The following SNTB1 variants were observed in gnomAD, a reference collection of about 807,000 sequenced individuals.
SNTB1 encodes beta-1-syntrophin.
A neutral mutation model predicts 48.9 loss-of-function variants in SNTB1; 36 were observed. The observed-to-expected ratio is 0.74, with a 90% CI of 0.56 to 0.97. The LOEUF is 0.97. Ranked by LOEUF, SNTB1 falls within the 50% of genes least tolerant of loss-of-function variation. SNTB1 has a pLI of 0.00. For missense variants in SNTB1, 786 were observed against 703.4 expected (o/e 1.12, Z -1.33); for synonymous variants, 299 against 294.6 (o/e 1.01, Z -0.15).
intron 2 of SNTB1, among the ~76,000 whole-genome samples, chr8:120,668,517 A>G (rs1587075498): frequency 1.3e-5 from 2 of 152,296 alleles, no homozygotes; most frequent in East Asian, 3.9e-4. Context: ...TAAGTGACAG[A>G]TAATTAGATT....
chr8:120,574,807 G>A (rs143389023), intron 4 of SNTB1, among the ~76,000 whole-genome samples: 1 of 152,292 alleles, frequency 6.6e-6, no homozygotes, highest in East Asian at 1.9e-4. Flanking sequence ...AAGGGAATGA[G>A]ATGGAGACCC....
chr8:120,762,678 T>C (rs1819442931), intron 1 of SNTB1, among the ~76,000 whole-genome samples: 2 of 152,176 alleles, frequency 1.3e-5, no homozygotes, highest in African/African-American at 4.8e-5. Context: ...GTAAATTTTA[T>C]TAATATCTTG....
At chr8:120,549,891 T>C (rs1271782397) in intron 4 of SNTB1, among the ~76,000 whole-genome samples, 2 of 152,234 alleles carry the variant, frequency 1.3e-5, no homozygotes, top group Non-Finnish European at 2.9e-5. Context: ...TTTTCAATCT[T>C]ATCTTTTAAT....
intron 1 of SNTB1, among the ~76,000 whole-genome samples, chr8:120,801,782 G>A (rs1820230364): frequency 6.6e-6 from 1 of 151,972 alleles, no homozygotes; most frequent in African/African-American, 2.4e-5. Context: ...TTGTCCGGGG[G>A]CCTCCCCACC....
chr8:120,773,833 AC>A (rs1819682243), intron 1 of SNTB1, among the ~76,000 whole-genome samples: 1 of 152,252 alleles, frequency 6.6e-6, no homozygotes, highest in Non-Finnish European at 1.5e-5. Flanking sequence ...GTTCAAGGTC[AC>A]TCACATAAGT....
At chr8:120,759,318 G>A (rs902344805) in intron 1 of SNTB1, among the ~76,000 whole-genome samples, 7 of 152,272 alleles carry the variant, frequency 4.6e-5, no homozygotes, top group African/African-American at 1.4e-4. Flanking sequence ...CAGAGTTCAC[G>A]ATCAACCTAG....
In SNTB1 at chr8:120,653,942, A is replaced by T. The variant is rs1817451089; in HGVS notation, c.789-21291T>A. 2.1e-5 allele frequency among the ~76,000 whole-genome samples: 3 copies of T among 143,488 alleles called. No individual in the cohort carries two copies. The Admixed American group carries it at 2.2e-4, about 11-fold the overall frequency. The allele number at this position is 143,488 out of a possible 152,430, so 94.1% of individuals were successfully genotyped here. A position where few individuals can be genotyped will look rare whatever the true frequency, so the allele number is the denominator to read the frequency against. On this transcript the variant is annotated intron_variant, in intron 2 of 6. Coordinates refer to ENST00000517992, the MANE Select transcript of SNTB1 (RefSeq NM_021021.4). ...TAGTCCCAGCTACTCGGGGGGTCTG[A>T]GGCAGGAGAATGGCGTGAACCCGGA...
chr8:120,597,492 C>A (rs1328460688), intron 3 of SNTB1, among the ~76,000 whole-genome samples: 1 of 152,208 alleles, frequency 6.6e-6, no homozygotes, highest in Non-Finnish European at 1.5e-5. Flanking sequence ...AGGGTTCCTG[C>A]TGAATTGGCA....
At chr8:120,775,886 TTTA>T (rs1446085340) in intron 1 of SNTB1, among the ~76,000 whole-genome samples, 1 of 151,994 alleles carries the variant, frequency 6.6e-6, no homozygotes, top group Admixed American at 6.6e-5. Context: ...CGGTTCTTTT[TTTA>T]TTATTATTAT....
At chr8:120,599,650 A>C (rs936915347) in intron 3 of SNTB1, among the ~76,000 whole-genome samples, 2 of 152,220 alleles carry the variant, frequency 1.3e-5, no homozygotes, top group Non-Finnish European at 2.9e-5. Flanking sequence ...AGCCAATTGA[A>C]CCCTGAAATC....
At chr8:120,594,053 C>CTTTA (rs147532780) in intron 3 of SNTB1, among the ~76,000 whole-genome samples, 27,643 of 150,762 alleles carry the variant, frequency 0.18, 2,623 homozygotes, top group Middle Eastern at 0.3. Context: ...CAGTACATGT[C>CTTTA]TTTATTTATT....
rs888259815 is a variant in SNTB1, at chr8:120,600,083, G to A, written c.997-24858C>T. On this transcript the variant is annotated intron_variant, in intron 3 of 6. Transcript: ENST00000517992. The stretch of plus-strand genomic sequence containing the variant: ...TCACCTCTTCTTTATCTGTTTACCT[G>A]TCTGTGTGGCAGTTTAAGGAGGGCC... 1.3e-5 allele frequency among the ~76,000 whole-genome samples: 2 copies of A among 152,194 alleles called. 1 individual carries two copies.
chr8:120,754,811 G>C (rs1333651832), intron 1 of SNTB1, among the ~76,000 whole-genome samples: 1 of 152,116 alleles, frequency 6.6e-6, no homozygotes, highest in Non-Finnish European at 1.5e-5. Context: ...ATGAGTTTAA[G>C]AATTCAATTA....
At chr8:120,570,883 C>T (rs1587000687) in intron 4 of SNTB1, 1 of 166,288 alleles carries the variant, frequency 6.0e-6, no homozygotes, top group East Asian at 1.8e-4. Flanking sequence ...ATGACTTCTA[C>T]TGCAAGGAGT....
chr8:120,538,734 G>A lies in SNTB1; in HGVS notation c.*143C>T. ...TGCTGAAACTGACAGAGGAGTCTGG[G>A]ACAGTTACATACGACTCTTGAGAGC... On this transcript the variant is annotated 3_prime_UTR_variant, in exon 7 of 7. Transcript: ENST00000517992. 1.3e-6 allele frequency: 1 copy of A among 742,922 alleles called. No individual in the cohort carries two copies. The highest frequency in any genetic ancestry group is 2.5e-6 in the Non-Finnish European group (1 of 406,596). 46.0% of individuals were successfully genotyped at this position (742,922 alleles called of 1,614,324 possible).
intron 2 of SNTB1, among the ~76,000 whole-genome samples, chr8:120,634,027 C>T (rs1291488984): frequency 1.3e-5 from 2 of 152,096 alleles, no homozygotes; most frequent in Admixed American, 6.5e-5. Flanking sequence ...TAATCTCCCC[C>T]GCAACTACCC....
At chr8:120,810,185 C>A (rs1487957253) in intron 1 of SNTB1, among the ~76,000 whole-genome samples, 1 of 152,102 alleles carries the variant, frequency 6.6e-6, no homozygotes, top group Non-Finnish European at 1.5e-5. Flanking sequence ...CTCCAGATAC[C>A]GCAATCTACA....
chr8:120,664,570 G>C (rs1471891231), intron 2 of SNTB1, among the ~76,000 whole-genome samples: 3 of 152,046 alleles, frequency 2.0e-5, no homozygotes, highest in Non-Finnish European at 2.9e-5. Context: ...CAGCATAATT[G>C]TTTTAAGATT....
chr8:120,640,657 T>C (rs995703178), intron 2 of SNTB1, among the ~76,000 whole-genome samples: 23 of 152,326 alleles, frequency 1.5e-4, no homozygotes, highest in Middle Eastern at 3.4e-3. Context: ...TTGTCTTTGG[T>C]TCTGTTTATA....
Sources: gnomAD v4.1 joint callset for allele counts (sites outside exome capture counted in the v4.1 genomes callset) on GRCh38, gnomAD v4.1.1 for gene constraint, MANE v1.5 for transcripts, NCBI Gene and HGNC (gene_info 2026-07-23, HGNC 2026-07-21) for gene names.